TBC1D22A: variants seen among roughly 807,000 people sequenced by gnomAD.
The protein encoded by TBC1D22A is TBC1 domain family member 22A.
Under a neutral mutation model 60.2 loss-of-function variants are expected in TBC1D22A, and 38 were observed. The observed-to-expected ratio is 0.63, with a 90% CI of 0.49 to 0.83. TBC1D22A has a LOEUF of 0.83. Among genes scored for constraint, TBC1D22A ranks in the 40% least tolerant of loss-of-function variants. The probability of loss-of-function intolerance (pLI) is 0.00; values close to 1 mark genes in which losing one functional copy is unlikely to be tolerated. For missense variants in TBC1D22A, 628 were observed against 701.0 expected (o/e 0.90, Z 1.18); for synonymous variants, 302 against 281.7 (o/e 1.07, Z -0.72).
intron 1 of TBC1D22A, chr22:46,789,091 A>G (rs1270121210): frequency 1.2e-5 from 2 of 168,740 alleles, no homozygotes; most frequent in African/African-American, 4.9e-5. Flanking sequence ...TCCTAGTTCT[A>G]AGTGTGATTT....
rs115083847 is a variant in TBC1D22A at position 46,996,056 on chromosome 22, G to C, written c.1126-1578G>C. ...GCAAAGCAGCACCTCCCTCCTGCCA[G>C]GTGGTGCCTGCAGACCCCTGCCCCC... is the stretch of plus-strand genomic sequence containing the variant. On this transcript the variant is annotated intron_variant, in intron 9 of 12. Coordinates refer to ENST00000337137, the MANE Select transcript of TBC1D22A (RefSeq NM_014346.5). 3.7e-3 allele frequency among the ~76,000 whole-genome samples: 566 copies of C among 152,360 alleles called. 6 individuals carry two copies. The highest frequency in any genetic ancestry group is 0.013 in the African/African-American group (556 of 41,596).
chr22:47,038,266 C>T (rs2062720372), intron 11 of TBC1D22A, among the ~76,000 whole-genome samples: 1 of 152,210 alleles, frequency 6.6e-6, no homozygotes, highest in Non-Finnish European at 1.5e-5. Context: ...GTGAGCACAG[C>T]CCTTCATCGG....
chr22:46,828,842 C>T (rs189888889), intron 4 of TBC1D22A, among the ~76,000 whole-genome samples: 42 of 152,334 alleles, frequency 2.8e-4, no homozygotes, highest in African/African-American at 9.1e-4. Context: ...CACAGATACA[C>T]GCCCTCACGT....
chr22:46,996,285 C>G (rs1230846843), intron 9 of TBC1D22A, among the ~76,000 whole-genome samples: 1 of 152,250 alleles, frequency 6.6e-6, no homozygotes, highest in African/African-American at 2.4e-5. Flanking sequence ...CTAGCTGAGA[C>G]TCATGGGGCC....
At chr22:46,792,865 C>G in intron 2 of TBC1D22A, 1 of 1,432,806 alleles carries the variant, frequency 7.0e-7, no homozygotes, top group East Asian at 2.5e-5. Context: ...AGCCTGGCTG[C>G]AGGCCATCCA....
intron 4 of TBC1D22A, among the ~76,000 whole-genome samples, chr22:46,829,249 C>A (rs895310868): frequency 2.6e-5 from 4 of 152,164 alleles, no homozygotes; most frequent in Admixed American, 1.3e-4. Flanking sequence ...GGCTGTGAGC[C>A]CTCAGGGTAG....
chr22:46,852,675 G>C (rs767521036), intron 4 of TBC1D22A, among the ~76,000 whole-genome samples: 10 of 152,090 alleles, frequency 6.6e-5, no homozygotes, highest in Middle Eastern at 3.2e-3. Flanking sequence ...TCAGTGCCCA[G>C]CCTTTTCCTC....
intron 8 of TBC1D22A, among the ~76,000 whole-genome samples, chr22:46,944,116 T>C (rs136060): frequency 0.23 from 34,329 of 152,084 alleles, 4,284 homozygotes; most frequent in Non-Finnish European, 0.28. Context: ...TTTGAAGAAC[T>C]GTTTTCCAAA....
chr22:46,910,620 G>A (rs2069845779), intron 7 of TBC1D22A, among the ~76,000 whole-genome samples: 1 of 152,192 alleles, frequency 6.6e-6, no homozygotes, highest in South Asian at 2.1e-4. Context: ...GGAGCCATCA[G>A]CCAGTGACCC....
chr22:46,919,879 T>C (rs1168632125), intron 8 of TBC1D22A, among the ~76,000 whole-genome samples: 2 of 152,154 alleles, frequency 1.3e-5, no homozygotes, highest in Non-Finnish European at 2.9e-5. Flanking sequence ...AATTCCCCGG[T>C]GCTGCTGTTT....
At chr22:47,010,276 C>T (rs536697901) in intron 10 of TBC1D22A, among the ~76,000 whole-genome samples, 77 of 152,252 alleles carry the variant, frequency 5.1e-4, no homozygotes, top group African/African-American at 1.7e-3. Flanking sequence ...AGTAAGCAGC[C>T]GAGAAGCAGA....
At chr22:47,133,900 C>A (rs1005986041) in intron 12 of TBC1D22A, among the ~76,000 whole-genome samples, 1 of 152,226 alleles carries the variant, frequency 6.6e-6, no homozygotes, top group Non-Finnish European at 1.5e-5. Context: ...CTCTCTCTCT[C>A]TCTCCATTCC....
In TBC1D22A at chr22:46,934,469, G is replaced by A. The variant is rs149894004; in HGVS notation, c.1015+22281G>A. Reference sequence around the variant, plus strand: ...TTAGGAAAGTTAAAGACTCCAGTGTGCAGTTGGCTGTCAGCAAATTGCAGC... The same window carrying A: ...TTAGGAAAGTTAAAGACTCCAGTGTACAGTTGGCTGTCAGCAAATTGCAGC... On this transcript the variant is annotated intron_variant, in intron 8 of 12. Coordinates refer to ENST00000337137, the MANE Select transcript of TBC1D22A (RefSeq NM_014346.5). Among the ~76,000 whole-genome samples the A allele has an allele frequency of 9.0e-4, 137 of 152,362 alleles. 1 individual carries two copies. The East Asian group carries it at 0.017, about 18-fold the overall frequency.
chr22:46,906,779 CTGTG>C (rs148450942), intron 7 of TBC1D22A, among the ~76,000 whole-genome samples: 36 of 149,164 alleles, frequency 2.4e-4, no homozygotes, highest in East Asian at 3.9e-4. Flanking sequence ...GGACCCTGAA[CTGTG>C]TGTGTGTGTG....
At chr22:46,899,029 G>A (rs1224571219) in intron 7 of TBC1D22A, among the ~76,000 whole-genome samples, 1 of 152,204 alleles carries the variant, frequency 6.6e-6, no homozygotes, top group East Asian at 1.9e-4. Flanking sequence ...TTGGAGGGTA[G>A]ATGAGCTTCT....
At chr22:46,824,892 C>T (rs1602028267) in intron 4 of TBC1D22A, among the ~76,000 whole-genome samples, 2 of 152,016 alleles carry the variant, frequency 1.3e-5, no homozygotes, top group East Asian at 3.9e-4. Flanking sequence ...GCCTGAGGTG[C>T]CCTGAGCCAT....
At chr22:47,072,579 T>C (rs2064043543) in intron 11 of TBC1D22A, among the ~76,000 whole-genome samples, 1 of 152,236 alleles carries the variant, frequency 6.6e-6, no homozygotes, top group Admixed American at 6.5e-5. Flanking sequence ...CCCCTGCCAT[T>C]TCCCAGGGCC....
At chr22:47,030,410 C>G (rs779199647) in intron 10 of TBC1D22A, among the ~76,000 whole-genome samples, 1 of 152,192 alleles carries the variant, frequency 6.6e-6, no homozygotes, top group East Asian at 1.9e-4. Context: ...AATGTGCTTG[C>G]ATAATTTATT....
chr22:47,023,768 C>T (rs563050393), intron 10 of TBC1D22A, among the ~76,000 whole-genome samples: 6 of 152,254 alleles, frequency 3.9e-5, no homozygotes, highest in South Asian at 4.1e-4. Context: ...AGGTGAAATA[C>T]GTGCTGTTTC....
Sources: gnomAD v4.1 joint callset for allele counts (sites outside exome capture counted in the v4.1 genomes callset) on GRCh38, gnomAD v4.1.1 for gene constraint, MANE v1.5 for transcripts, NCBI Gene and HGNC (gene_info 2026-07-23, HGNC 2026-07-21) for gene names.